The following EFCAB6 variants were observed in gnomAD, a reference collection of about 807,000 sequenced individuals.
EFCAB6 encodes the protein EF-hand calcium binding domain 6, also known as EF-hand calcium-binding domain-containing protein 6.
EFCAB6 carries 156 observed loss-of-function variants against 169.8 expected under a neutral mutation model. That is an observed-to-expected ratio of 0.92 (90% CI 0.81 to 1.05). EFCAB6 has a LOEUF of 1.05. Ranked by LOEUF, EFCAB6 falls within the 50% of genes least tolerant of loss-of-function variation. EFCAB6 has a pLI of 0.00. For missense variants in EFCAB6, 1,800 were observed against 1,829.1 expected (o/e 0.98, Z 0.29); for synonymous variants, 698 against 676.4 (o/e 1.03, Z -0.50).
chr22:43,659,470 G>A (rs1388022398), intron 17 of EFCAB6, among the ~76,000 whole-genome samples: 1 of 152,092 alleles, frequency 6.6e-6, no homozygotes, highest in Non-Finnish European at 1.5e-5. Context: ...ACCAGCCTGG[G>A]CAATATAGTG....
Position 43,572,682 on chromosome 22 carries a change from C to T in EFCAB6, c.3420+3615G>A, listed in dbSNP as rs986165709. ...CTCACTCCCTCCCCTCCTCGTCGCT[C>T]GGATGTCACCCCTCGACAGGCCCTC... On this transcript the variant is annotated intron_variant, in intron 26 of 31. Transcript: ENST00000262726. The surrounding 1 kb of genome is among the most constrained non-coding windows in gnomAD (Gnocchi z 4.0). Among the ~76,000 whole-genome samples, 4 of 152,134 alleles carry T rather than the reference C, an allele frequency of 2.6e-5. No homozygotes were observed. Among genetic ancestry groups the T allele is most frequent in the South Asian group, 2.1e-4 (1 of 4,820 alleles).
In EFCAB6 at chr22:43,782,277, A is replaced by C. The variant is rs2061850202; in HGVS notation, c.42T>G (p.His14Gln). The C allele has an allele frequency of 1.2e-6, 2 of 1,614,140 alleles. No homozygotes were observed. Among genetic ancestry groups the C allele is most frequent in the Admixed American group, 1.7e-5 (1 of 60,024 alleles). ...AATGTGTAAATTTTCGTGTGTGAGG[A>C]TGCGACCTAAGCCAGTCTGGTATAA... ...MAIIPDWLRS[H>Q]PHTRKFTHSR... Residue 14 changes from histidine (H) to glutamine (Q), a missense_variant, in exon 3 of 32, where the codon CAT becomes CAG. Transcript: ENST00000262726.
At chr22:43,756,624 A>C (rs997835866) in intron 5 of EFCAB6, among the ~76,000 whole-genome samples, 1 of 152,208 alleles carries the variant, frequency 6.6e-6, no homozygotes, top group Admixed American at 6.5e-5. Context: ...CGTGGTGCTA[A>C]GGAAGACACT....
In EFCAB6 at chr22:43,667,249, G is replaced by A. The variant is rs2057305416; in HGVS notation, c.1838C>T (p.Thr613Ile). Residue 613 changes from threonine (T) to isoleucine (I), a missense_variant, in exon 17 of 32, where the codon ACC becomes ATC. Transcript: ENST00000262726. ...TGTGGTCATCTTCTTGGTCAGGGTGGTTTTATCCTCCGTGAGCTTGGTTCT... is the reference window on the plus strand; with the variant it reads ...TGTGGTCATCTTCTTGGTCAGGGTGATTTTATCCTCCGTGAGCTTGGTTCT... ...SERTKLTEDKTTLTKKMTTEE... is the reference protein window; with the variant it reads ...SERTKLTEDKITLTKKMTTEE... The A allele has an allele frequency of 3.7e-6, 6 of 1,613,770 alleles. No homozygotes were observed. The highest frequency in any genetic ancestry group is 4.2e-6 in the Non-Finnish European group (5 of 1,179,884).
intron 9 of EFCAB6, 139 bp downstream of exon 9, chr22:43,716,709 A>AG: frequency 1.0e-6 from 1 of 955,408 alleles, no homozygotes; most frequent in Admixed American, 3.6e-5. Flanking sequence ...TGGGAGGTAG[A>AG]GGGGGTCTCA....
intron 2 of EFCAB6, among the ~76,000 whole-genome samples, chr22:43,801,803 G>A (rs977862440): frequency 6.6e-6 from 1 of 152,132 alleles, no homozygotes; most frequent in Non-Finnish European, 1.5e-5. Flanking sequence ...AGAAAGGAAG[G>A]AAGGGACGAC....
rs374069833 is a variant in EFCAB6 at position 43,755,830 on chromosome 22, C to A, written c.443G>T (p.Gly148Val). ...GCAGCAATTCATTTCATTCCCACCT[C>A]CCCTTAGAAATAAAAAAAAAATCTT... ...IDLYINGIKR[G>V]GGNEMNCCRT... The change falls in exon 6 of 32, where the codon GGA (glycine) becomes GTA (valine). Residue 148 changes from glycine (G) to valine (V), a missense_variant and splice_region_variant. Coordinates refer to ENST00000262726, the MANE Select transcript of EFCAB6 (RefSeq NM_022785.4). 2.1e-4 allele frequency: 340 copies of A among 1,599,092 alleles called. No individual in the cohort carries two copies. Among genetic ancestry groups the A allele is most frequent in the Non-Finnish European group, 2.7e-4 (321 of 1,175,030 alleles).
At chr22:43,741,360 G>A (rs1181643178) in intron 6 of EFCAB6, among the ~76,000 whole-genome samples, 1 of 152,018 alleles carries the variant, frequency 6.6e-6, no homozygotes, top group Non-Finnish European at 1.5e-5. Context: ...TCAGTTATGG[G>A]GCCTCTTCCT....
chr22:43,530,893 G>A lies in EFCAB6; in HGVS notation c.4305C>T (p.Cys1435=), dbSNP rs756578495. 1.2e-6 allele frequency: 2 copies of A among 1,614,240 alleles called. No individual in the cohort carries two copies. The highest frequency in any genetic ancestry group is 1.7e-6 in the Non-Finnish European group (2 of 1,180,050). Residue 1435 remains cysteine, a synonymous_variant, in exon 31 of 32, where the codon TGC becomes TGT. Transcript: ENST00000262726. Reference sequence around the variant, plus strand: ...TGAACGTGCGCCGCATTGGCCTCCAGCAGTGCACAATTTTGGGCTGAATAC... The same window carrying A: ...TGAACGTGCGCCGCATTGGCCTCCAACAGTGCACAATTTTGGGCTGAATAC... The part of the protein sequence containing the change: ...LLRIQPKIVH[C]WRPMRRTFKS...
At chr22:43,606,022 G>C (rs1248493413) in intron 22 of EFCAB6, among the ~76,000 whole-genome samples, 3 of 152,184 alleles carry the variant, frequency 2.0e-5, no homozygotes, top group Admixed American at 6.5e-5. Flanking sequence ...GTCACCAGGT[G>C]AATGTGTGTG....
At chr22:43,639,786 T>G (rs1467822950) in intron 17 of EFCAB6, among the ~76,000 whole-genome samples, 1 of 152,158 alleles carries the variant, frequency 6.6e-6, no homozygotes, top group East Asian at 1.9e-4. Flanking sequence ...TGTTAGACCT[T>G]TTGATATTGT....
At chr22:43,593,467 G>A (rs925472714) in intron 23 of EFCAB6, among the ~76,000 whole-genome samples, 8 of 152,168 alleles carry the variant, frequency 5.3e-5, no homozygotes, top group Admixed American at 4.6e-4. Context: ...AGACACGAGT[G>A]GGTAATGAGG....
intron 26 of EFCAB6, among the ~76,000 whole-genome samples, chr22:43,555,940 T>C (rs1460946108): frequency 1.3e-5 from 2 of 152,170 alleles, no homozygotes; most frequent in African/African-American, 4.8e-5. Flanking sequence ...CCAGGTGAGC[T>C]AGGAGGGGCC....
chr22:43,802,543 AG>A, intron 2 of EFCAB6: 1 of 348,122 alleles, frequency 2.9e-6, no homozygotes, highest in Non-Finnish European at 5.5e-6. Flanking sequence ...AAAAAAAAAA[AG>A]ATAAAACCAA....
intron 2 of EFCAB6, among the ~76,000 whole-genome samples, chr22:43,783,186 T>G (rs2061893360): frequency 6.6e-6 from 1 of 152,196 alleles, no homozygotes; most frequent in South Asian, 2.1e-4. Context: ...AGGCATTTGT[T>G]AGAAGAAATC....
At chr22:43,689,059 C>T (rs2058305757) in intron 10 of EFCAB6, among the ~76,000 whole-genome samples, 1 of 152,126 alleles carries the variant, frequency 6.6e-6, no homozygotes, top group Admixed American at 6.5e-5. Context: ...TGAAGGATGC[C>T]TACTCCTCAC....
chr22:43,787,205 T>C (rs2062109594), intron 2 of EFCAB6, among the ~76,000 whole-genome samples: 3 of 152,176 alleles, frequency 2.0e-5, no homozygotes, highest in Admixed American at 2.0e-4. Flanking sequence ...TACTGAAGGT[T>C]CTAGCCAGAG....
chr22:43,798,828 T>A (rs1471058965), intron 2 of EFCAB6, among the ~76,000 whole-genome samples: 1 of 152,212 alleles, frequency 6.6e-6, no homozygotes, highest in Non-Finnish European at 1.5e-5. Flanking sequence ...GATGTCAATT[T>A]TACTTGGAGA....
chr22:43,601,590 G>A (rs1305271080), intron 22 of EFCAB6, among the ~76,000 whole-genome samples: 1 of 152,226 alleles, frequency 6.6e-6, no homozygotes, highest in African/African-American at 2.4e-5. Context: ...TGAGATCCTG[G>A]AGGATCTACG....
Sources: gnomAD v4.1 joint callset for allele counts (sites outside exome capture counted in the v4.1 genomes callset) on GRCh38, gnomAD v4.1.1 for gene constraint, Gnocchi (gnomAD v3.1) non-coding constraint, MANE v1.5 for transcripts, NCBI Gene and HGNC (gene_info 2026-07-23, HGNC 2026-07-21) for gene names.